Variants in PDE6A observed in about 807,000 individuals in gnomAD.
The protein encoded by PDE6A is phosphodiesterase 6A, also known as rod cGMP-specific 3',5'-cyclic phosphodiesterase subunit alpha.
In PDE6A, 84 loss-of-function variants were observed where a neutral mutation model predicts 106.3. The ratio of observed to expected loss-of-function variants is 0.79; its 90% CI spans 0.66 to 0.95. PDE6A has a LOEUF of 0.95. Among genes scored for constraint, PDE6A ranks in the 40% least tolerant of loss-of-function variants. The pLI is 0.00. For synonymous variants in PDE6A, 394 were observed against 386.6 expected, an observed-to-expected ratio of 1.02 and a Z score of -0.23; for missense variants, 1,052 against 1,084.9, an observed-to-expected ratio of 0.97 and a Z score of 0.43.
intron 14 of PDE6A, among the ~76,000 whole-genome samples, chr5:149,885,936 C>T (rs948450631): frequency 1.8e-4 from 28 of 152,330 alleles, no homozygotes; most frequent in African/African-American, 6.7e-4. Flanking sequence ...TGACCTCTTG[C>T]TTCCCTCTTA....
rs1275288049 is a variant in PDE6A, at chr5:149,899,537, G to A, written c.1114-13C>T. ...CCAGAGGTTCTTTCTACAAGAGAAGGGCTAGATTAGGTTTCCTCTTGTTTC... is the reference window on the plus strand; with the variant it reads ...CCAGAGGTTCTTTCTACAAGAGAAGAGCTAGATTAGGTTTCCTCTTGTTTC... On this transcript the variant is annotated splice_polypyrimidine_tract_variant and intron_variant, in intron 8 of 21. Transcript: ENST00000255266. 6.2e-7 allele frequency: 1 copy of A among 1,613,548 alleles called. No individual in the cohort carries two copies. Among genetic ancestry groups the A allele is most frequent in the African/African-American group, 1.3e-5 (1 of 74,918 alleles).
intron 17 of PDE6A, among the ~76,000 whole-genome samples, chr5:149,880,643 G>C (rs1440708505): frequency 6.6e-6 from 1 of 152,112 alleles, no homozygotes; most frequent in African/African-American, 2.4e-5. Flanking sequence ...AACTCGGGAA[G>C]TGGAAGTTGC....
At chr5:149,873,963 G>GC (rs1485466896) in intron 17 of PDE6A, among the ~76,000 whole-genome samples, 1 of 150,784 alleles carries the variant, frequency 6.6e-6, no homozygotes, top group Non-Finnish European at 1.5e-5. Context: ...CTATGATCAT[G>GC]CCACCACACT....
chr5:149,900,375 G>GTATGTATATATATATATATATA (rs1554089230), intron 8 of PDE6A, among the ~76,000 whole-genome samples: 5 of 82,584 alleles, frequency 6.1e-5, no homozygotes, highest in African/African-American at 7.6e-5. Context: ...AAATATATAT[G>GTATGTATATATATATATATATA]TATATATATA....
At chr5:149,876,286 A>G (rs1760735983) in intron 17 of PDE6A, among the ~76,000 whole-genome samples, 1 of 151,584 alleles carries the variant, frequency 6.6e-6, no homozygotes, top group Non-Finnish European at 1.5e-5. Context: ...TGGTTTATGA[A>G]TGAATATTTC....
At chr5:149,895,655 A>C (rs1466905291) in intron 12 of PDE6A, among the ~76,000 whole-genome samples, 3 of 152,062 alleles carry the variant, frequency 2.0e-5, no homozygotes, top group African/African-American at 7.2e-5. Flanking sequence ...CAAAAACAAA[A>C]GGACTCTTTT....
At chr5:149,930,207 A>T (rs915239558) in intron 4 of PDE6A, among the ~76,000 whole-genome samples, 13 of 152,344 alleles carry the variant, frequency 8.5e-5, no homozygotes, top group African/African-American at 2.9e-4. Context: ...ATTCTGATGA[A>T]CTGCCAAGTT....
At chr5:149,884,331 T>C in intron 16 of PDE6A, 148 bp downstream of exon 16, 1 of 619,068 alleles carries the variant, frequency 1.6e-6, no homozygotes, top group African/African-American at 1.9e-5. Flanking sequence ...TATGTGTATA[T>C]ATGTATATAT....
intron 3 of PDE6A, among the ~76,000 whole-genome samples, chr5:149,933,439 T>C (rs980405171): frequency 2.0e-5 from 3 of 152,194 alleles, no homozygotes; most frequent in African/African-American, 7.2e-5. Context: ...TATCTTCCAT[T>C]TGTAGACAAA....
chr5:149,928,487 C>T (rs1044012913), intron 4 of PDE6A, among the ~76,000 whole-genome samples: 6 of 151,764 alleles, frequency 4.0e-5, no homozygotes, highest in African/African-American at 1.2e-4. Context: ...CCGCCTGCCT[C>T]GGCCTCCCAA....
At chr5:149,921,735 C>T in intron 4 of PDE6A, 26 bp from the exon 5 acceptor site, 1 of 1,579,702 alleles carries the variant, frequency 6.3e-7, no homozygotes, top group Non-Finnish European at 8.7e-7. Context: ...ACAATAATTA[C>T]ATGTTTTGAA....
chr5:149,896,824 C>A (rs775895224), intron 10 of PDE6A, 48 bp from the exon 11 acceptor site: 3 of 1,595,090 alleles, frequency 1.9e-6, no homozygotes, highest in Middle Eastern at 1.7e-4. Context: ...TTACAACATG[C>A]CTCCGCGTTT....
intron 17 of PDE6A, among the ~76,000 whole-genome samples, chr5:149,883,087 C>A (rs571959844): frequency 1.3e-5 from 2 of 151,970 alleles, no homozygotes; most frequent in African/African-American, 2.4e-5. Context: ...AACAAAAACC[C>A]CTTAATTGCT....
At chr5:149,911,374 C>G (rs548662948) in intron 6 of PDE6A, among the ~76,000 whole-genome samples, 1 of 152,142 alleles carries the variant, frequency 6.6e-6, no homozygotes, top group Non-Finnish European at 1.5e-5. Flanking sequence ...TCCTATAAAA[C>G]CAACCCCTTC....
intron 1 of PDE6A, among the ~76,000 whole-genome samples, chr5:149,943,659 C>T (rs946780142): frequency 2.7e-5 from 4 of 148,216 alleles, no homozygotes; most frequent in East Asian, 2.0e-4. Context: ...TCTATGATTC[C>T]GTCATTGTAC....
At chr5:149,868,232 C>T (rs1226836242) in intron 17 of PDE6A, 74 bp from the exon 18 acceptor site, 1 of 1,366,344 alleles carries the variant, frequency 7.3e-7, no homozygotes, top group East Asian at 2.3e-5. Context: ...CCATCTCTCT[C>T]ACCTTTCTCC....
chr5:149,923,503 A>AATAAC (rs70973555), intron 4 of PDE6A, among the ~76,000 whole-genome samples: 3 of 137,316 alleles, frequency 2.2e-5, no homozygotes, highest in South Asian at 2.6e-4. Context: ...GTCTCAAATA[A>AATAAC]ATAACATAAC....
At chr5:149,930,278 T>G (rs1753992376) in intron 4 of PDE6A, among the ~76,000 whole-genome samples, 1 of 152,202 alleles carries the variant, frequency 6.6e-6, no homozygotes, top group Admixed American at 6.5e-5. Flanking sequence ...ATCCATGTAT[T>G]CACTCAATCC....
At chr5:149,898,247 G>T in intron 10 of PDE6A, 116 bp downstream of exon 10, 2 of 871,108 alleles carry the variant, frequency 2.3e-6, no homozygotes, top group Non-Finnish European at 3.8e-6. Flanking sequence ...ACACAACAGT[G>T]CACAAACCCA....
Sources: allele counts gnomAD v4.1 joint callset (sites outside exome capture counted in the v4.1 genomes callset), GRCh38; gene constraint gnomAD v4.1.1; transcripts MANE v1.5; gene names NCBI Gene and HGNC (gene_info 2026-07-23, HGNC 2026-07-21).